CDH4: variants seen among roughly 807,000 people sequenced by gnomAD.
CDH4 encodes the protein cadherin 4, also known as cadherin-4.
CDH4 carries 33 observed loss-of-function variants against 86.0 expected under a neutral mutation model. That is an observed-to-expected ratio of 0.38 (90% CI 0.29 to 0.51). The LOEUF is 0.51. CDH4 is among the 20% of genes least tolerant of loss of function. CDH4 has a pLI of 0.86. For synonymous variants in CDH4, 555 were observed against 549.4 expected (o/e 1.01, Z -0.14); for missense variants, 1,114 against 1,307.4 (o/e 0.85, Z 2.28).
chr20:61,324,288 G>A (rs529578103), intron 2 of CDH4, among the ~76,000 whole-genome samples: 1 of 152,176 alleles, frequency 6.6e-6, no homozygotes, highest in African/African-American at 2.4e-5. Flanking sequence ...AATTGAAACT[G>A]ATTGCATTAG....
intron 2 of CDH4, among the ~76,000 whole-genome samples, chr20:61,541,985 G>T (rs1366274163): frequency 6.6e-6 from 1 of 152,178 alleles, no homozygotes; most frequent in Non-Finnish European, 1.5e-5. Context: ...AGTGGAAGTG[G>T]TGCCTGCCAC....
chr20:61,783,283 G>C (rs1047727579), intron 4 of CDH4, among the ~76,000 whole-genome samples: 6 of 152,158 alleles, frequency 3.9e-5, no homozygotes, highest in African/African-American at 1.4e-4. Context: ...TTCTAGGGTC[G>C]ATGGTTTAAA....
At chr20:61,374,875 G>A (rs1288680171) in intron 2 of CDH4, among the ~76,000 whole-genome samples, 1 of 152,226 alleles carries the variant, frequency 6.6e-6, no homozygotes, top group Non-Finnish European at 1.5e-5. Flanking sequence ...CCTGGAGGCT[G>A]CATCTGCATT....
At chr20:61,755,458 C>A (rs947805843) in intron 3 of CDH4, among the ~76,000 whole-genome samples, 15 of 137,846 alleles carry the variant, frequency 1.1e-4, no homozygotes, top group Non-Finnish European at 1.6e-4. Flanking sequence ...ACCCCGTACA[C>A]ACCACACACA....
chr20:61,587,511 G>A (rs1029801293), intron 2 of CDH4, among the ~76,000 whole-genome samples: 1 of 152,086 alleles, frequency 6.6e-6, no homozygotes, highest in Non-Finnish European at 1.5e-5. Context: ...TCATCCCGTC[G>A]GAAACTGCAG....
At chr20:61,666,746 A>G (rs1378060247) in intron 2 of CDH4, among the ~76,000 whole-genome samples, 1 of 152,132 alleles carries the variant, frequency 6.6e-6, no homozygotes, top group African/African-American at 2.4e-5. Flanking sequence ...GGCTGACCAG[A>G]TCTTACCCTC....
chr20:61,413,430 C>G (rs1187949197), intron 2 of CDH4, among the ~76,000 whole-genome samples: 1 of 152,160 alleles, frequency 6.6e-6, no homozygotes, highest in Non-Finnish European at 1.5e-5. Flanking sequence ...TCCTCACCTT[C>G]CAAGTCAACC....
intron 9 of CDH4, among the ~76,000 whole-genome samples, chr20:61,920,421 G>T (rs369035554): frequency 6.9e-6 from 1 of 145,594 alleles, no homozygotes; most frequent in African/African-American, 2.6e-5. Flanking sequence ...GTGTGATTGC[G>T]TGGAAGCGTG....
At chr20:61,632,045 C>T (rs967549950) in intron 2 of CDH4, among the ~76,000 whole-genome samples, 2 of 152,386 alleles carry the variant, frequency 1.3e-5, no homozygotes, top group Admixed American at 1.3e-4. Context: ...CCAGGCTCTG[C>T]TGACACGTCA....
chr20:61,457,549 GTGA>G (rs199637792), intron 2 of CDH4, among the ~76,000 whole-genome samples: 4,921 of 151,972 alleles, frequency 0.032, 277 homozygotes, highest in African/African-American at 0.11. Context: ...GGTGATAGTA[GTGA>G]TGATGGTGAT....
chr20:61,925,529 T>C (rs2055035808), intron 11 of CDH4, among the ~76,000 whole-genome samples: 1 of 152,212 alleles, frequency 6.6e-6, no homozygotes, highest in Admixed American at 6.5e-5. Context: ...GCGGCCGTGA[T>C]GACTGCCCGG....
chr20:61,696,460 T>A (rs1038946384), intron 2 of CDH4, among the ~76,000 whole-genome samples: 4 of 152,228 alleles, frequency 2.6e-5, no homozygotes, highest in African/African-American at 9.6e-5. Flanking sequence ...TAGCACTGGC[T>A]GAGCGCCAGC....
At chr20:61,922,802 C>T (rs1291932863) in intron 9 of CDH4, among the ~76,000 whole-genome samples, 1 of 152,190 alleles carries the variant, frequency 6.6e-6, no homozygotes, top group Non-Finnish European at 1.5e-5. Context: ...GTCACCCAGG[C>T]TAGAGTGCAA....
intron 3 of CDH4, among the ~76,000 whole-genome samples, chr20:61,747,087 CTG>C (rs1191933742): frequency 6.6e-6 from 1 of 152,164 alleles, no homozygotes; most frequent in African/African-American, 2.4e-5. Flanking sequence ...GGCCTCATGA[CTG>C]GGCACATGAG....
chr20:61,853,035 G>A (rs975046639), intron 6 of CDH4, 137 bp downstream of exon 6: 2 of 877,310 alleles, frequency 2.3e-6, no homozygotes, highest in African/African-American at 3.4e-5. Flanking sequence ...CACACAGCAT[G>A]CAGCAGACGT....
rs1057291772 is a variant in CDH4, at chr20:61,403,876, A to G, written c.169+148939A>G. On this transcript the variant is annotated intron_variant, in intron 2 of 15. Transcript: ENST00000614565. ...CCCCTTTGTCTACATACAGGGAGAA[A>G]ATGTCTGGCAGGACGCTGTGTTTCA... 2.0e-5 allele frequency among the ~76,000 whole-genome samples: 3 copies of G among 152,310 alleles called. No homozygotes were observed. The East Asian group carries it at 5.8e-4, about 29-fold the overall frequency.
At chr20:61,287,240 A>C (rs1281286196) in intron 2 of CDH4, among the ~76,000 whole-genome samples, 2 of 152,162 alleles carry the variant, frequency 1.3e-5, no homozygotes, top group Non-Finnish European at 2.9e-5. Context: ...TGCACACTAC[A>C]TCTTCTTTAA....
intron 2 of CDH4, among the ~76,000 whole-genome samples, chr20:61,503,255 T>C (rs1429701605): frequency 6.6e-6 from 1 of 152,066 alleles, no homozygotes; most frequent in East Asian, 1.9e-4. Flanking sequence ...CCACAGGAAA[T>C]GTGTCCGTTC....
chr20:61,937,185 C>T lies in CDH4; in HGVS notation c.*242C>T, dbSNP rs1003894611. 8 of 163,380 alleles carry T rather than the reference C, an allele frequency of 4.9e-5. No individual in the cohort carries two copies. The highest frequency in any genetic ancestry group is 2.3e-4 in the African/African-American group (8 of 34,178). The allele number at this position is 163,380 out of a possible 1,614,324, so 10.1% of individuals were successfully genotyped here. ...AGGACAGCAAGAGGCACTCTGTCTT[C>T]ACTTGAATTTCCTAGAACAGAAGCA... On this transcript the variant is annotated 3_prime_UTR_variant, in exon 16 of 16. Transcript: ENST00000614565.
Sources: gnomAD v4.1 joint callset for allele counts (sites outside exome capture counted in the v4.1 genomes callset) on GRCh38, gnomAD v4.1.1 for gene constraint, MANE v1.5 for transcripts, NCBI Gene and HGNC (gene_info 2026-07-23, HGNC 2026-07-21) for gene names.